The following RTN4R variants were observed in gnomAD, a reference collection of about 807,000 sequenced individuals.
RTN4R encodes reticulon-4 receptor.
Under a neutral mutation model 27.7 loss-of-function variants are expected in RTN4R, and 4 were observed. The observed-to-expected ratio is 0.14, with a 90% CI of 0.07 to 0.33. RTN4R has a LOEUF of 0.33. RTN4R is among the 10% of genes least tolerant of loss of function. The pLI is 1.00. For missense variants in RTN4R, 554 were observed against 671.5 expected (o/e 0.83, Z 1.93); for synonymous variants, 290 against 305.6 (o/e 0.95, Z 0.53).
chr22:20,246,920 G>A (rs1440018737), intron 1 of RTN4R, among the ~76,000 whole-genome samples: 2 of 152,266 alleles, frequency 1.3e-5, no homozygotes, highest in East Asian at 3.8e-4. Context: ...AACTGAGGCA[G>A]TGAGTGGTTA....
intron 1 of RTN4R, among the ~76,000 whole-genome samples, chr22:20,262,306 C>A (rs1417097056): frequency 6.6e-6 from 1 of 152,126 alleles, no homozygotes; most frequent in African/African-American, 2.4e-5. Flanking sequence ...GGAGCCTGAA[C>A]CCCTGCTCCA....
chr22:20,259,956 C>T (rs1264203339), intron 1 of RTN4R, among the ~76,000 whole-genome samples: 1 of 152,178 alleles, frequency 6.6e-6, no homozygotes, highest in Non-Finnish European at 1.5e-5. Flanking sequence ...AAGCAAGTGA[C>T]CCCTGTGGGC....
intron 1 of RTN4R, among the ~76,000 whole-genome samples, chr22:20,244,591 G>A (rs2051129157): frequency 6.6e-6 from 1 of 152,102 alleles, no homozygotes; most frequent in Non-Finnish European, 1.5e-5. Context: ...GGGTGGGCTG[G>A]GTGAGGAAAG....
At position 20,254,661 on chromosome 22, in the gene RTN4R, CCAAAATGAGGTG is replaced by C. The variant is rs547059150; in HGVS notation, c.23-11563_23-11552del. Among the ~76,000 whole-genome samples, 9 of 151,902 alleles carry C rather than the reference CCAAAATGAGGTG, an allele frequency of 5.9e-5. No homozygotes were observed. In the South Asian group the frequency reaches 1.9e-3, roughly 32 times the overall value. ...AGAGTGAGTCAGGCTTATGTTTCAG[CCAAAATGAGGTG>C]CAAACCCAGAAAGAGGAAAACGTGG... On this transcript the variant is annotated intron_variant, in intron 1 of 1. Coordinates refer to ENST00000043402, the MANE Select transcript of RTN4R (RefSeq NM_023004.6).
At chr22:20,248,421 T>C (rs940312113) in intron 1 of RTN4R, among the ~76,000 whole-genome samples, 1 of 152,108 alleles carries the variant, frequency 6.6e-6, no homozygotes, top group Non-Finnish European at 1.5e-5. Context: ...GGGTACACCT[T>C]TCAAGTCACA....
In RTN4R at chr22:20,268,062, G is replaced by A; in HGVS notation, c.22+9C>T. On this transcript the variant is annotated intron_variant, in intron 1 of 1. Coordinates refer to ENST00000043402, the MANE Select transcript of RTN4R (RefSeq NM_023004.6). ...GCCGGCCGGGCTCGGGTGCAGCGCG[G>A]ACACTCACCTCCAGCGGACGCCCTC... 3 of 1,183,202 alleles carry A rather than the reference G, an allele frequency of 2.5e-6. No individual in the cohort carries two copies. Among genetic ancestry groups the A allele is most frequent in the Non-Finnish European group, 3.1e-6 (3 of 955,364 alleles). The allele number at this position is 1,183,202 out of a possible 1,614,324, so 73.3% of individuals were successfully genotyped here.
intron 1 of RTN4R, among the ~76,000 whole-genome samples, chr22:20,265,118 G>A (rs551187362): frequency 2.6e-5 from 4 of 152,302 alleles, no homozygotes; most frequent in Non-Finnish European, 4.4e-5. Context: ...TCACCAGCTG[G>A]ACCCTCCTGG....
intron 1 of RTN4R, among the ~76,000 whole-genome samples, chr22:20,253,656 GA>G (rs1277375962): frequency 1.3e-5 from 2 of 152,132 alleles, no homozygotes; most frequent in Non-Finnish European, 2.9e-5. Context: ...TATCAATGCA[GA>G]AAAAGAGGGA....
At chr22:20,261,859 G>A (rs1427409424) in intron 1 of RTN4R, among the ~76,000 whole-genome samples, 2 of 152,250 alleles carry the variant, frequency 1.3e-5, no homozygotes, top group Admixed American at 6.5e-5. Flanking sequence ...CCCTGGTGAG[G>A]ATGGAAAAGA....
chr22:20,250,339 CAACAGCAG>C (rs933520772), intron 1 of RTN4R, among the ~76,000 whole-genome samples: 5 of 152,274 alleles, frequency 3.3e-5, no homozygotes, highest in Non-Finnish European at 1.5e-5. Flanking sequence ...TTTCCCGCAA[CAACAGCAG>C]AGCTGAGTTG....
rs956568196 is a variant in RTN4R at position 20,255,739 on chromosome 22, C to G, written c.22+12332G>C. On this transcript the variant is annotated intron_variant, in intron 1 of 1. Coordinates refer to ENST00000043402, the MANE Select transcript of RTN4R (RefSeq NM_023004.6). The surrounding 1 kb of genome is among the most constrained non-coding windows in gnomAD (Gnocchi z 4.8). ...CTCCTTGTCACAGATCTGAGCCCCCCACTCCAGGCTGGGGCCCCTCAGGAG... is the reference window on the plus strand; with the variant it reads ...CTCCTTGTCACAGATCTGAGCCCCCGACTCCAGGCTGGGGCCCCTCAGGAG... Among the ~76,000 whole-genome samples, 1 of 152,134 alleles carries G rather than the reference C, an allele frequency of 6.6e-6. No individual in the cohort carries two copies. The highest frequency in any genetic ancestry group is 1.5e-5 in the Non-Finnish European group (1 of 68,010).
rs747765641 is a variant in RTN4R, at chr22:20,242,466, G to T, written c.667C>A (p.Arg223Ser). 1 of 1,613,700 alleles carries T rather than the reference G, an allele frequency of 6.2e-7. No homozygotes were observed. Among genetic ancestry groups the T allele is most frequent in the Non-Finnish European group, 8.5e-7 (1 of 1,179,992 alleles). ...RVAHVHPHAF[R>S]DLGRLMTLYL... Reference sequence around the variant, plus strand: ...AGTGTCATGAGGCGGCCAAGGTCACGGAAGGCATGCGGGTGCACATGGGCC... The same window carrying T: ...AGTGTCATGAGGCGGCCAAGGTCACTGAAGGCATGCGGGTGCACATGGGCC... Residue 223 changes from arginine to serine, a missense_variant, in exon 2 of 2, where the codon CGT becomes AGT. By Grantham distance (110) the Arg-to-Ser change is moderately radical. This residue lies in a region of RTN4R where 413 missense variants were observed against 542.3 expected (regional missense o/e 0.76). Coordinates refer to ENST00000043402, the MANE Select transcript of RTN4R (RefSeq NM_023004.6).
At chr22:20,258,858 C>T (rs527576667) in intron 1 of RTN4R, among the ~76,000 whole-genome samples, 23 of 152,230 alleles carry the variant, frequency 1.5e-4, no homozygotes, top group South Asian at 2.1e-4. Context: ...GGTGGCTTCC[C>T]GGAGGAAGTG....
intron 1 of RTN4R, among the ~76,000 whole-genome samples, chr22:20,253,334 C>A (rs1345894504): frequency 6.6e-6 from 1 of 152,224 alleles, no homozygotes; most frequent in Non-Finnish European, 1.5e-5. Flanking sequence ...GCTGTGGCTT[C>A]TCATGCAACA....
chr22:20,267,788 G>A (rs1293552658), intron 1 of RTN4R: 1 of 397,360 alleles, frequency 2.5e-6, no homozygotes, highest in African/African-American at 2.2e-5. Flanking sequence ...CCTCGACTTG[G>A]CCCAGCATCG....
At chr22:20,265,271 C>T (rs2051270683) in intron 1 of RTN4R, among the ~76,000 whole-genome samples, 1 of 152,220 alleles carries the variant, frequency 6.6e-6, no homozygotes, top group African/African-American at 2.4e-5. Flanking sequence ...CACCCTGGCC[C>T]TCACAGCCTG....
At chr22:20,248,074 T>C (rs2051152791) in intron 1 of RTN4R, among the ~76,000 whole-genome samples, 1 of 152,134 alleles carries the variant, frequency 6.6e-6, no homozygotes, top group African/African-American at 2.4e-5. Flanking sequence ...GCAAATTCTC[T>C]TGGAGGGGGT....
In RTN4R at chr22:20,255,196, A is replaced by G. The variant is rs1338473119; in HGVS notation, c.23-12086T>C. Among the ~76,000 whole-genome samples, 2 of 152,232 alleles carry G rather than the reference A, an allele frequency of 1.3e-5. No individual in the cohort carries two copies. Among genetic ancestry groups the G allele is most frequent in the Non-Finnish European group, 2.9e-5 (2 of 68,044 alleles). On this transcript the variant is annotated intron_variant, in intron 1 of 1. Coordinates refer to ENST00000043402, the MANE Select transcript of RTN4R (RefSeq NM_023004.6). The surrounding 1 kb of genome is among the most constrained non-coding windows in gnomAD (Gnocchi z 4.8). ...TGGGTGCAGGTGTTAACTCTGCAAT[A>G]TGTTGTTGACCGAATGTTATTATTT...
rs1292317290 is a variant in RTN4R at position 20,249,469 on chromosome 22, C to G, written c.23-6359G>C. ...ACAAGGCTGACCACTGCCTGTGAGC[C>G]CAGAGTGTCGGCCTTGACAGGGCAG... On this transcript the variant is annotated intron_variant, in intron 1 of 1. Transcript: ENST00000043402. Among the ~76,000 whole-genome samples, 9 of 152,196 alleles carry G rather than the reference C, an allele frequency of 5.9e-5. 1 individual carries two copies. Among genetic ancestry groups the G allele is most frequent in the Non-Finnish European group, 1.3e-4 (9 of 68,036 alleles).
Sources: gnomAD v4.1 joint callset for allele counts (sites outside exome capture counted in the v4.1 genomes callset) on GRCh38, gnomAD v4.1.1 for gene constraint, gnomAD v4.1.1 regional missense constraint, Gnocchi (gnomAD v3.1) non-coding constraint, MANE v1.5 for transcripts, NCBI Gene and HGNC (gene_info 2026-07-23, HGNC 2026-07-21) for gene names.